The following PIBF1 variants were observed in gnomAD, a reference collection of about 807,000 sequenced individuals.
PIBF1 encodes the protein progesterone-induced-blocking factor 1.
PIBF1 carries 90 observed loss-of-function variants against 112.5 expected under a neutral mutation model. The ratio of observed to expected loss-of-function variants is 0.80; its 90% confidence interval spans 0.67 to 0.95. PIBF1 has a LOEUF of 0.95. Among genes scored for constraint, PIBF1 ranks in the 40% least tolerant of loss-of-function variants. PIBF1 has a pLI of 0.00. For synonymous variants in PIBF1, 301 were observed against 288.6 expected (o/e 1.04, Z -0.44); for missense variants, 915 against 852.3 (o/e 1.07, Z -0.92).
intron 16 of PIBF1, among the ~76,000 whole-genome samples, chr13:72,987,125 A>T (rs2043316239): frequency 6.6e-6 from 1 of 152,330 alleles, no homozygotes; most frequent in East Asian, 1.9e-4. Context: ...AATTCTTTTC[A>T]GTCATAAGAG....
At chr13:72,796,171 A>C (rs556238721) in intron 4 of PIBF1, among the ~76,000 whole-genome samples, 1 of 152,188 alleles carries the variant, frequency 6.6e-6, no homozygotes, top group Non-Finnish European at 1.5e-5. Flanking sequence ...CATTGGCCTT[A>C]AGAGTGATAA....
chr13:72,806,535 C>G (rs1378660509), intron 5 of PIBF1, among the ~76,000 whole-genome samples: 1 of 152,090 alleles, frequency 6.6e-6, no homozygotes, highest in Non-Finnish European at 1.5e-5. Context: ...TCCCCCACCC[C>G]CTGATAGGCC....
At chr13:72,948,019 G>A (rs1417907027) in intron 14 of PIBF1, among the ~76,000 whole-genome samples, 1 of 151,988 alleles carries the variant, frequency 6.6e-6, no homozygotes, top group East Asian at 1.9e-4. Flanking sequence ...ATAAGTGGGA[G>A]TTAAACAATG....
At chr13:72,785,398 A>T (rs2034546126) in intron 2 of PIBF1, among the ~76,000 whole-genome samples, 2 of 152,188 alleles carry the variant, frequency 1.3e-5, no homozygotes, top group African/African-American at 2.4e-5. Flanking sequence ...ACACAAATTA[A>T]GTGCCCAGCT....
chr13:72,859,337 C>G (rs530464260), intron 10 of PIBF1, among the ~76,000 whole-genome samples: 1 of 152,132 alleles, frequency 6.6e-6, no homozygotes, highest in South Asian at 2.1e-4. Flanking sequence ...TCCATGACAT[C>G]CTTTTAAACA....
intron 16 of PIBF1, among the ~76,000 whole-genome samples, chr13:72,988,439 A>G (rs1162240718): frequency 6.6e-6 from 1 of 152,140 alleles, no homozygotes; most frequent in Non-Finnish European, 1.5e-5. Flanking sequence ...GGCTGTAGAT[A>G]ACAGCAGTTT....
intron 12 of PIBF1, 31 bp downstream of exon 12, chr13:72,908,712 C>CTTT: frequency 1.4e-6 from 2 of 1,433,112 alleles, no homozygotes; most frequent in Admixed American, 2.1e-5. Flanking sequence ...ACATGCACAA[C>CTTT]TTTTTTTTTT....
chr13:72,835,859 G>A (rs2037334041), intron 9 of PIBF1, among the ~76,000 whole-genome samples: 1 of 152,102 alleles, frequency 6.6e-6, no homozygotes, highest in African/African-American at 2.4e-5. Context: ...CAGCACTTTG[G>A]GAGGCCGAGG....
At chr13:72,978,083 A>G (rs1217639142) in intron 16 of PIBF1, among the ~76,000 whole-genome samples, 1 of 152,198 alleles carries the variant, frequency 6.6e-6, no homozygotes, top group Non-Finnish European at 1.5e-5. Context: ...TCCATTCTAA[A>G]TTCTCCAGGT....
chr13:72,877,426 C>T (rs1466542430), intron 10 of PIBF1, among the ~76,000 whole-genome samples: 1 of 152,196 alleles, frequency 6.6e-6, no homozygotes, highest in African/African-American at 2.4e-5. Flanking sequence ...CCTTCTGCTT[C>T]TAGCCTCTGG....
At chr13:72,966,392 C>T (rs2042738926) in intron 15 of PIBF1, among the ~76,000 whole-genome samples, 1 of 151,794 alleles carries the variant, frequency 6.6e-6, no homozygotes, top group African/African-American at 2.4e-5. Context: ...ACATTTATAC[C>T]TTAAATGTGT....
chr13:72,838,081 G>A (rs985153214), intron 9 of PIBF1, among the ~76,000 whole-genome samples: 1 of 152,150 alleles, frequency 6.6e-6, no homozygotes, highest in Admixed American at 6.5e-5. Flanking sequence ...CCTATTAAAT[G>A]CTAAGCTTTA....
intron 2 of PIBF1, among the ~76,000 whole-genome samples, chr13:72,788,882 C>T (rs1291545148): frequency 6.6e-6 from 1 of 152,088 alleles, no homozygotes; most frequent in African/African-American, 2.4e-5. Context: ...ATTGTGGCAC[C>T]AATACAAATG....
intron 14 of PIBF1, among the ~76,000 whole-genome samples, chr13:72,963,985 G>A (rs940101339): frequency 1.3e-4 from 20 of 152,176 alleles, no homozygotes; most frequent in Non-Finnish European, 2.8e-4. Context: ...CTTCTAGGTA[G>A]CTACCCAACA....
chr13:72,785,972 A>G (rs2034577308), intron 2 of PIBF1, among the ~76,000 whole-genome samples: 1 of 152,178 alleles, frequency 6.6e-6, no homozygotes. Context: ...AATCCAAATT[A>G]CAGTTCTAGA....
chr13:72,870,530 T>G (rs990178100), intron 10 of PIBF1, among the ~76,000 whole-genome samples: 1 of 152,196 alleles, frequency 6.6e-6, no homozygotes, highest in Non-Finnish European at 1.5e-5. Flanking sequence ...ATTGTTCAAG[T>G]CAATATTTAT....
At chr13:72,933,065 G>A (rs1294922513) in intron 14 of PIBF1, among the ~76,000 whole-genome samples, 1 of 146,950 alleles carries the variant, frequency 6.8e-6, no homozygotes, top group Non-Finnish European at 1.5e-5. Context: ...GCCAAGTCCA[G>A]CACACTGCTA....
At chr13:72,995,960 G>A (rs1441939590) in intron 16 of PIBF1, among the ~76,000 whole-genome samples, 2 of 135,872 alleles carry the variant, frequency 1.5e-5, no homozygotes, top group Non-Finnish European at 3.2e-5. Flanking sequence ...AAAAAAAAAA[G>A]AAAAGAAAAA....
intron 10 of PIBF1, among the ~76,000 whole-genome samples, chr13:72,883,392 G>A (rs2039720307): frequency 6.6e-6 from 1 of 152,140 alleles, no homozygotes; most frequent in African/African-American, 2.4e-5. Flanking sequence ...TAATAGGGAG[G>A]TTGAATAAGA....
Sources: gnomAD v4.1 joint callset for allele counts (sites outside exome capture counted in the v4.1 genomes callset) on GRCh38, gnomAD v4.1.1 for gene constraint, MANE v1.5 for transcripts, NCBI Gene and HGNC (gene_info 2026-07-23, HGNC 2026-07-21) for gene names.